FGF6: variants seen among roughly 807,000 people sequenced by gnomAD.
The protein encoded by FGF6 is fibroblast growth factor 6.
In FGF6, 14 loss-of-function variants were observed where a neutral mutation model predicts 18.4. That is an observed-to-expected ratio of 0.76 (90% CI 0.50 to 1.19). FGF6 has a LOEUF of 1.19. Ranked by LOEUF, FGF6 falls within the 50% of genes most tolerant of loss-of-function variation. The pLI is 0.00. For synonymous variants in FGF6, 125 were observed against 116.7 expected, an observed-to-expected ratio of 1.07 and a Z score of -0.46; for missense variants, 266 against 271.6, an observed-to-expected ratio of 0.98 and a Z score of 0.15.
intron 2 of FGF6, among the ~76,000 whole-genome samples, chr12:4,442,310 C>T (rs910043049): frequency 5.9e-5 from 9 of 152,086 alleles, no homozygotes; most frequent in African/African-American, 7.2e-5. Flanking sequence ...CGCTTTGTGG[C>T]GCTTTCTCTG....
At chr12:4,435,519 GC>G (rs1865618006) in intron 2 of FGF6, among the ~76,000 whole-genome samples, 1 of 152,152 alleles carries the variant, frequency 6.6e-6, no homozygotes, top group Non-Finnish European at 1.5e-5. Flanking sequence ...TGCCAAAAAG[GC>G]TGGGGACTGC....
In FGF6 at chr12:4,435,909, G is replaced by A. The variant is rs536440003; in HGVS notation, c.451-1518C>T. 2.0e-5 allele frequency among the ~76,000 whole-genome samples: 3 copies of A among 152,232 alleles called. No individual in the cohort carries two copies. The East Asian group carries it at 5.8e-4, about 29-fold the overall frequency. ...GCTCTTGTGGGGAAGCAGCTGGGTC[G>A]GGGCTAGAAGAACAGAGAGCGAGGT... On this transcript the variant is annotated intron_variant, in intron 2 of 2. Coordinates refer to ENST00000228837, the MANE Select transcript of FGF6 (RefSeq NM_020996.3).
At chr12:4,436,070 C>T (rs1865624852) in intron 2 of FGF6, among the ~76,000 whole-genome samples, 1 of 152,110 alleles carries the variant, frequency 6.6e-6, no homozygotes, top group South Asian at 2.1e-4. Flanking sequence ...CCAGAGGTGT[C>T]CTCTGACCTT....
intron 2 of FGF6, among the ~76,000 whole-genome samples, chr12:4,435,451 C>T (rs1241004522): frequency 6.6e-6 from 1 of 152,200 alleles, no homozygotes; most frequent in Non-Finnish European, 1.5e-5. Context: ...ACCGTCCCCC[C>T]ATGTCCCCAT....
intron 2 of FGF6, among the ~76,000 whole-genome samples, chr12:4,439,559 A>G (rs1047913588): frequency 6.6e-6 from 1 of 151,936 alleles, no homozygotes; most frequent in African/African-American, 2.4e-5. Context: ...CTAAAACATG[A>G]TTGTTTAAGC....
At chr12:4,434,927 G>A (rs1409922321) in intron 2 of FGF6, among the ~76,000 whole-genome samples, 1 of 152,162 alleles carries the variant, frequency 6.6e-6, no homozygotes, top group African/African-American at 2.4e-5. Flanking sequence ...CAGACTGTGT[G>A]TGGTGGGGGA....
At chr12:4,437,960 T>C (rs964461317) in intron 2 of FGF6, among the ~76,000 whole-genome samples, 2 of 152,130 alleles carry the variant, frequency 1.3e-5, no homozygotes, top group African/African-American at 4.8e-5. Context: ...TAAATTGTCT[T>C]CTACTTGAAA....
chr12:4,445,571 C>A lies in FGF6; in HGVS notation c.-1G>T, dbSNP rs1419059001. The A allele has an allele frequency of 5.7e-6, 9 of 1,575,820 alleles. No individual in the cohort carries two copies. Among genetic ancestry groups the A allele is most frequent in the Non-Finnish European group, 7.8e-6 (9 of 1,158,800 alleles). ...TGAACAGTTTCTGTCCCAGGGCCAT[C>A]CACCTTGCCTCTCAGGCACGTGGTC... On this transcript the variant is annotated 5_prime_UTR_variant, in exon 1 of 3. Transcript: ENST00000228837. The surrounding 1 kb of genome is among the most constrained non-coding windows in gnomAD (Gnocchi z 5.5).
chr12:4,443,484 T>C (rs778733395), intron 2 of FGF6, among the ~76,000 whole-genome samples: 8 of 152,142 alleles, frequency 5.3e-5, no homozygotes, highest in Non-Finnish European at 8.8e-5. Flanking sequence ...TTTTCGTCAA[T>C]GTGCTTAGAA....
At chr12:4,443,744 G>A (rs1489250610) in intron 2 of FGF6, among the ~76,000 whole-genome samples, 4 of 152,196 alleles carry the variant, frequency 2.6e-5, no homozygotes, top group Admixed American at 6.5e-5. Context: ...TGCAGGGCGC[G>A]TGTCATGGAG....
chr12:4,443,918 G>A (rs1865723406), intron 2 of FGF6, among the ~76,000 whole-genome samples: 1 of 152,180 alleles, frequency 6.6e-6, no homozygotes, highest in Non-Finnish European at 1.5e-5. Context: ...CCGGCAGGTG[G>A]GAACAGAAGA....
At chr12:4,439,107 A>G (rs17183689) in intron 2 of FGF6, among the ~76,000 whole-genome samples, 1,917 of 152,266 alleles carry the variant, frequency 0.013, 50 homozygotes, top group African/African-American at 0.044. Context: ...ATTCTTTGAT[A>G]CTTTTTTCTC....
intron 2 of FGF6, among the ~76,000 whole-genome samples, chr12:4,441,334 C>T (rs556166621): frequency 2.0e-5 from 3 of 152,212 alleles, no homozygotes; most frequent in South Asian, 2.1e-4. Context: ...GTCGCGGAGC[C>T]CTGAGACGGG....
intron 2 of FGF6, among the ~76,000 whole-genome samples, chr12:4,442,205 AC>A (rs1865700191): frequency 6.6e-6 from 1 of 151,178 alleles, no homozygotes; most frequent in African/African-American, 2.4e-5. Flanking sequence ...TCAGCCAGTA[AC>A]GGTGCTGCAG....
At chr12:4,444,506 G>C (rs987683339) in intron 1 of FGF6, among the ~76,000 whole-genome samples, 4 of 152,208 alleles carry the variant, frequency 2.6e-5, no homozygotes, top group African/African-American at 9.7e-5. Flanking sequence ...TTTAAGATGA[G>C]CTTTGAATCT....
At chr12:4,436,446 C>T (rs933466940) in intron 2 of FGF6, among the ~76,000 whole-genome samples, 22 of 150,256 alleles carry the variant, frequency 1.5e-4, no homozygotes, top group Non-Finnish European at 3.3e-4. Context: ...ATAGCAAGAC[C>T]TTGTCTCTAC....
Position 4,434,389 on chromosome 12 carries a change from G to C in FGF6, c.453C>G (p.Pro151=). ...MNSKGRLYAT[P]SFQEECKFRE... ...TGAACTTGCATTCTTCTTGGAAGCT[G>C]GGCTGTGGAAGACATGGGCAAACAG... The change falls in exon 3 of 3, where the codon CCC becomes CCG. Residue 151 remains proline (P), a splice_region_variant and synonymous_variant. Transcript: ENST00000228837. 6.2e-7 allele frequency: 1 copy of C among 1,614,140 alleles called. No homozygotes were observed. The highest frequency in any genetic ancestry group is 8.5e-7 in the Non-Finnish European group (1 of 1,180,008).
Position 4,445,713 on chromosome 12 carries a change from G to T in FGF6, c.-143C>A. 1 of 691,106 alleles carries T rather than the reference G, an allele frequency of 1.4e-6. No individual in the cohort carries two copies. The highest frequency in any genetic ancestry group is 2.4e-6 in the Non-Finnish European group (1 of 420,640). The allele number at this position is 691,106 out of a possible 1,614,324, so 42.8% of individuals were successfully genotyped here. A position where few individuals can be genotyped will look rare whatever the true frequency, so the allele number is the denominator to read the frequency against. On this transcript the variant is annotated 5_prime_UTR_variant, in exon 1 of 3. Coordinates refer to ENST00000228837, the MANE Select transcript of FGF6 (RefSeq NM_020996.3). The surrounding 1 kb of genome is among the most constrained non-coding windows in gnomAD (Gnocchi z 5.5). Reference sequence around the variant, plus strand: ...CTGACATGAAACCAAAGCCTCCATCGGGCACTCGGGTTGAGAGCAGAGGGA... The same window carrying T: ...CTGACATGAAACCAAAGCCTCCATCTGGCACTCGGGTTGAGAGCAGAGGGA...
At position 4,439,495 on chromosome 12, in the gene FGF6, G is replaced by A. The variant is rs17177284; in HGVS notation, c.450+4638C>T. ...CTCTCAAGCCATTGCCCACTTCCCCGTGCCTAGAATGTGCCCATTTGAGAA... is the reference window on the plus strand; with the variant it reads ...CTCTCAAGCCATTGCCCACTTCCCCATGCCTAGAATGTGCCCATTTGAGAA... On this transcript the variant is annotated intron_variant, in intron 2 of 2. Transcript: ENST00000228837. Among the ~76,000 whole-genome samples, 895 of 152,200 alleles carry A rather than the reference G, an allele frequency of 5.9e-3. 8 individuals carry two copies. The highest frequency in any genetic ancestry group is 0.02 in the African/African-American group (839 of 41,518).
Sources: allele counts gnomAD v4.1 joint callset (sites outside exome capture counted in the v4.1 genomes callset), GRCh38; gene constraint gnomAD v4.1.1; non-coding constraint Gnocchi (gnomAD v3.1); transcripts MANE v1.5; gene names NCBI Gene and HGNC (gene_info 2026-07-23, HGNC 2026-07-21).